The following NGEF variants were observed in gnomAD, a reference collection of about 807,000 sequenced individuals.
NGEF encodes neuronal guanine nucleotide exchange factor, also known as ephexin-1.
In NGEF, 31 loss-of-function variants were observed where a neutral mutation model predicts 80.9. The ratio of observed to expected loss-of-function variants is 0.38; its 90% CI spans 0.29 to 0.52. The LOEUF (loss-of-function observed/expected upper bound fraction) is 0.52. NGEF is among the 20% of genes least tolerant of loss of function. NGEF has a pLI of 0.84. For synonymous variants in NGEF, 371 were observed against 370.2 expected (o/e 1.00, Z -0.03); for missense variants, 709 against 926.2 (o/e 0.77, Z 3.04).
intron 1 of NGEF, among the ~76,000 whole-genome samples, chr2:232,975,713 C>T (rs557054003): frequency 6.6e-6 from 1 of 152,224 alleles, no homozygotes; most frequent in Non-Finnish European, 1.5e-5. Flanking sequence ...CTATGTGGAC[C>T]CTCTTAGTGG....
At chr2:232,994,371 A>C (rs1694735154) in intron 1 of NGEF, among the ~76,000 whole-genome samples, 2 of 9,306 alleles carry the variant, frequency 2.1e-4, no homozygotes, top group African/African-American at 1.4e-3. Context: ...CTTTGTCTCA[A>C]AAAAAAAAAA....
intron 8 of NGEF, among the ~76,000 whole-genome samples, chr2:232,890,668 A>T (rs1195168311): frequency 6.6e-6 from 1 of 152,028 alleles, no homozygotes; most frequent in Admixed American, 6.6e-5. Flanking sequence ...TTCTCTCAGC[A>T]AGTCACTGAT....
chr2:232,882,315 C>T, intron 12 of NGEF, 50 bp from the exon 13 acceptor site: 1 of 1,534,710 alleles, frequency 6.5e-7, no homozygotes, highest in Non-Finnish European at 9.0e-7. Context: ...ACGGCAGCCC[C>T]CCAACGTGTG....
Position 232,893,016 on chromosome 2 carries a change from TCTC to T in NGEF, c.1021_1023del (p.Glu341del), listed in dbSNP as rs775490189. On this transcript the variant is annotated inframe_deletion, in exon 7 of 15. Transcript: ENST00000264051. ...TCACACACGTCAGAGATGACGATGT[TCTC>T]CTCCATCCGGTGCTCCAGCTCCAGG... 1.8e-5 allele frequency: 29 copies of T among 1,613,200 alleles called. No individual in the cohort carries two copies. The South Asian group carries it at 2.4e-4, about 13-fold the overall frequency.
At chr2:232,890,922 C>T (rs1269184597) in intron 8 of NGEF, 1 of 471,604 alleles carries the variant, frequency 2.1e-6, no homozygotes, top group Non-Finnish European at 4.4e-6. Context: ...GCTGGCCTTT[C>T]TGTCCATGAA....
intron 11 of NGEF, 152 bp downstream of exon 11, chr2:232,883,829 C>T: frequency 1.2e-6 from 1 of 808,428 alleles, no homozygotes; most frequent in Non-Finnish European, 1.8e-6. Flanking sequence ...GCTAAAGGCC[C>T]AAAGCTGGGC....
At chr2:232,943,755 A>C (rs1340964857) in intron 3 of NGEF, among the ~76,000 whole-genome samples, 1 of 150,716 alleles carries the variant, frequency 6.6e-6, no homozygotes, top group Non-Finnish European at 1.5e-5. Flanking sequence ...TCAGCCTCCC[A>C]AAGTGCTGGG....
chr2:232,907,221 A>G (rs1692588065), intron 5 of NGEF, among the ~76,000 whole-genome samples: 1 of 150,636 alleles, frequency 6.6e-6, no homozygotes, highest in Non-Finnish European at 1.5e-5. Flanking sequence ...AACATACTAT[A>G]GCATTTTGTT....
chr2:232,992,920 G>A (rs1694678857), intron 1 of NGEF, among the ~76,000 whole-genome samples: 1 of 150,352 alleles, frequency 6.7e-6, no homozygotes, highest in African/African-American at 2.5e-5. Flanking sequence ...CCAGGAGGCA[G>A]AGGTTGCGGT....
intron 3 of NGEF, among the ~76,000 whole-genome samples, chr2:232,966,708 T>A (rs1407424348): frequency 6.6e-6 from 1 of 152,206 alleles, no homozygotes; most frequent in African/African-American, 2.4e-5. Context: ...CATTTTTATG[T>A]ACCAATTGGC....
intron 3 of NGEF, among the ~76,000 whole-genome samples, chr2:232,964,543 A>G (rs1329939070): frequency 6.6e-6 from 1 of 152,106 alleles, no homozygotes; most frequent in Non-Finnish European, 1.5e-5. Context: ...AAAATACAAA[A>G]ATTAGCTGGG....
chr2:232,879,419 AGC>A lies in NGEF; in HGVS notation c.*68_*69del. ...GGAGGTGCTGGCCTGTGCTTCCCAG[AGC>A]CCCCCCCCCCCCACCTTCTGTCGGG... On this transcript the variant is annotated 3_prime_UTR_variant, in exon 15 of 15. Transcript: ENST00000264051. 2 of 1,186,154 alleles carry A rather than the reference AGC, an allele frequency of 1.7e-6. No homozygotes were observed. Among genetic ancestry groups the A allele is most frequent in the African/African-American group, 2.8e-5 (1 of 35,848 alleles). 73.5% of individuals were successfully genotyped at this position (1,186,154 alleles called of 1,614,324 possible). A position where few individuals can be genotyped will look rare whatever the true frequency, so the allele number is the denominator to read the frequency against.
Position 232,985,623 on chromosome 2 carries a change from G to T in NGEF, c.-74-10659C>A, listed in dbSNP as rs181070222. Among the ~76,000 whole-genome samples the T allele has an allele frequency of 2.3e-3, 349 of 152,076 alleles. 4 individuals carry two copies. The highest frequency in any genetic ancestry group is 0.021 in the East Asian group (109 of 5,148). On this transcript the variant is annotated intron_variant, in intron 1 of 14. Transcript: ENST00000264051. Reference sequence around the variant, plus strand: ...AAAAAATTAGCTGGGCTTGGCGGCGGGTACCTGTAGTCCCAGCTACTCGAG... The same window carrying T: ...AAAAAATTAGCTGGGCTTGGCGGCGTGTACCTGTAGTCCCAGCTACTCGAG...
rs1002857836 is a variant in NGEF, at chr2:232,947,522, C to T, written c.384-20336G>A. Among the ~76,000 whole-genome samples the T allele has an allele frequency of 3.9e-5, 6 of 152,246 alleles. No homozygotes were observed. The East Asian group carries it at 9.6e-4, about 24-fold the overall frequency. On this transcript the variant is annotated intron_variant, in intron 3 of 14. Transcript: ENST00000264051. ...TCTTATGATAATGAGTGAATTTTCA[C>T]GAGATCTGGTGATTTTATAAATGGT...
At chr2:232,919,375 G>C (rs1692886041) in intron 5 of NGEF, among the ~76,000 whole-genome samples, 2 of 152,174 alleles carry the variant, frequency 1.3e-5, no homozygotes, top group African/African-American at 4.8e-5. Context: ...GTGGGAGTGA[G>C]ACGGAGCGGA....
intron 9 of NGEF, 82 bp downstream of exon 9, chr2:232,887,951 T>A: frequency 9.8e-7 from 1 of 1,023,014 alleles, no homozygotes; most frequent in Non-Finnish European, 1.6e-6. Context: ...CACACGGACA[T>A]GTGGGGAGCA....
intron 3 of NGEF, among the ~76,000 whole-genome samples, chr2:232,962,340 C>A (rs908857561): frequency 3.3e-5 from 5 of 152,164 alleles, no homozygotes; most frequent in Non-Finnish European, 7.3e-5. Context: ...CGTTCAAGAC[C>A]AGCCTGGTCA....
chr2:232,974,853 C>T lies in NGEF; in HGVS notation c.38G>A (p.Arg13Gln), dbSNP rs373205374. 178 of 1,613,860 alleles carry T rather than the reference C, an allele frequency of 1.1e-4. 1 individual carries two copies. Among genetic ancestry groups the T allele is most frequent in the Non-Finnish European group, 1.3e-4 (149 of 1,179,972 alleles). ...TRESEDLEKT[R>Q]RKSASDQWNT... ...CCATTGATCACTTGCTGATTTCCTC[C>T]GGGTCTTTTCCAAATCTTCAGATTC... Residue 13 changes from arginine (R) to glutamine (Q), a missense_variant, in exon 2 of 15, where the codon CGG (arginine) becomes CAG (glutamine). Physicochemically the swap from Arg to Gln is conservative, Grantham distance 43 (BLOSUM62 1). Coordinates refer to ENST00000264051, the MANE Select transcript of NGEF (RefSeq NM_019850.3).
chr2:232,997,128 C>T (rs932380036), intron 1 of NGEF, among the ~76,000 whole-genome samples: 1 of 137,942 alleles, frequency 7.2e-6, no homozygotes, highest in Admixed American at 7.7e-5. Flanking sequence ...CAGTGGTTCT[C>T]ACTCCGGCAC....
Sources: gnomAD v4.1 joint callset for allele counts (sites outside exome capture counted in the v4.1 genomes callset) on GRCh38, gnomAD v4.1.1 for gene constraint, MANE v1.5 for transcripts, NCBI Gene and HGNC (gene_info 2026-07-23, HGNC 2026-07-21) for gene names.